C2CD3: variants seen among roughly 807,000 people sequenced by gnomAD.
The protein encoded by C2CD3 is C2 domain containing 3 centriole elongation regulator.
C2CD3 carries 148 observed loss-of-function variants against 234.0 expected under a neutral mutation model. The observed-to-expected ratio is 0.63, with a 90% CI of 0.55 to 0.72. The LOEUF is 0.72. C2CD3 is among the 30% of genes least tolerant of loss of function. The probability of loss-of-function intolerance (pLI) is 0.00; values close to 1 mark genes in which losing one functional copy is unlikely to be tolerated. For missense variants in C2CD3, 2,577 were observed against 2,811.5 expected (o/e 0.92, Z 1.89); for synonymous variants, 1,000 against 1,035.4 (o/e 0.97, Z 0.66).
At chr11:74,030,815 AC>A (rs1248719372) in intron 31 of C2CD3, among the ~76,000 whole-genome samples, 1 of 151,912 alleles carries the variant, frequency 6.6e-6, no homozygotes, top group East Asian at 1.9e-4. Context: ...CGTCTCCCAA[AC>A]CTGTCTATGT....
intron 24 of C2CD3, among the ~76,000 whole-genome samples, chr11:74,059,968 G>C (rs112978615): frequency 0.021 from 3,259 of 152,314 alleles, 67 homozygotes; most frequent in African/African-American, 0.045. Context: ...CCAGGAGACT[G>C]TATCCCGCGC....
chr11:74,097,521 C>A (rs527384700), intron 16 of C2CD3, among the ~76,000 whole-genome samples: 7 of 152,254 alleles, frequency 4.6e-5, no homozygotes, highest in African/African-American at 1.7e-4. Context: ...TAACAATAAC[C>A]CACCTCAGGT....
At chr11:74,142,833 T>A (rs1205198331) in intron 3 of C2CD3, among the ~76,000 whole-genome samples, 1 of 152,168 alleles carries the variant, frequency 6.6e-6, no homozygotes, top group Non-Finnish European at 1.5e-5. Context: ...TTCATTCCTG[T>A]CCACCTCAAT....
rs535872649 is a variant in C2CD3 at position 74,125,997 on chromosome 11, A to G, written c.1218-2862T>C. 8.7e-4 allele frequency among the ~76,000 whole-genome samples: 133 copies of G among 152,098 alleles called. 1 individual carries two copies. Among genetic ancestry groups the G allele is most frequent in the African/African-American group, 3.1e-3 (128 of 41,528 alleles). On this transcript the variant is annotated intron_variant, in intron 7 of 32. Coordinates refer to ENST00000334126, the MANE Select transcript of C2CD3 (RefSeq NM_001286577.2). ...TGTTGTAGCCCCTATTTCTTAGACTATATGTCTTACTCTTTCTTCCTAAAA... is the reference window on the plus strand; with the variant it reads ...TGTTGTAGCCCCTATTTCTTAGACTGTATGTCTTACTCTTTCTTCCTAAAA...
intron 5 of C2CD3, among the ~76,000 whole-genome samples, chr11:74,133,787 A>C (rs893716506): frequency 6.6e-6 from 1 of 152,204 alleles, no homozygotes; most frequent in African/African-American, 2.4e-5. Flanking sequence ...CAATGAATGA[A>C]GTCTCCATTC....
intron 32 of C2CD3, among the ~76,000 whole-genome samples, chr11:74,014,059 ATC>A (rs1384203489): frequency 6.6e-6 from 1 of 152,096 alleles, no homozygotes; most frequent in African/African-American, 2.4e-5. Flanking sequence ...CCAAACTTTG[ATC>A]TCTCTGACTC....
chr11:74,036,897 A>C (rs1952771895), intron 30 of C2CD3, among the ~76,000 whole-genome samples: 1 of 152,216 alleles, frequency 6.6e-6, no homozygotes, highest in African/African-American at 2.4e-5. Context: ...GTTGACCTAC[A>C]GTACAGCCTG....
intron 5 of C2CD3, among the ~76,000 whole-genome samples, chr11:74,135,562 T>C (rs1034745229): frequency 6.6e-6 from 1 of 152,204 alleles, no homozygotes; most frequent in African/African-American, 2.4e-5. Context: ...AGATGTGAAG[T>C]ATGAGAAGAA....
chr11:74,013,505 C>A lies in C2CD3; in HGVS notation c.6942G>T (p.Arg2314Ser). ...TTDQDKSEATRGALSQRPCRP... is the reference protein window; with the variant it reads ...TTDQDKSEATSGALSQRPCRP... ...GACAAGGCCTTTGGGAGAGAGCTCC[C>A]CTGGTGGCTTCGCTCTTGTCCTGGA... Residue 2314 changes from arginine (R) to serine (S), a missense_variant, in exon 33 of 33, where the codon AGG becomes AGT. Coordinates refer to ENST00000334126, the MANE Select transcript of C2CD3 (RefSeq NM_001286577.2). 1 of 1,369,874 alleles carries A rather than the reference C, an allele frequency of 7.3e-7. No individual in the cohort carries two copies. The highest frequency in any genetic ancestry group is 1.8e-5 in the South Asian group (1 of 56,402). 84.9% of individuals were successfully genotyped at this position (1,369,874 alleles called of 1,614,324 possible). A position where few individuals can be genotyped will look rare whatever the true frequency, so the allele number is the denominator to read the frequency against.
intron 23 of C2CD3, among the ~76,000 whole-genome samples, chr11:74,077,818 T>A (rs1955128533): frequency 4.6e-5 from 1 of 21,624 alleles, no homozygotes; most frequent in African/African-American, 2.8e-4. Context: ...TATATATATA[T>A]ATATATATAT....
chr11:74,084,221 C>G (rs1434856765), intron 22 of C2CD3, among the ~76,000 whole-genome samples: 2 of 152,178 alleles, frequency 1.3e-5, no homozygotes, highest in East Asian at 3.9e-4. Context: ...CATGTTCTTA[C>G]TCATAGGTGG....
intron 32 of C2CD3, among the ~76,000 whole-genome samples, chr11:74,016,965 C>T (rs149191688): frequency 3.3e-5 from 5 of 152,226 alleles, no homozygotes; most frequent in African/African-American, 9.6e-5. Flanking sequence ...GGTGAAGTCC[C>T]TGGAGCGGGA....
intron 5 of C2CD3, among the ~76,000 whole-genome samples, chr11:74,135,428 C>T (rs554885875): frequency 1.8e-4 from 27 of 152,192 alleles, no homozygotes; most frequent in African/African-American, 6.3e-4. Flanking sequence ...CCAGCTTGCC[C>T]GGACTTGCAG....
chr11:74,048,298 G>GT lies in C2CD3; in HGVS notation c.5401dup (p.Thr1801AsnfsTer26). On this transcript the variant is annotated frameshift_variant, in exon 28 of 33. Coordinates refer to ENST00000334126, the MANE Select transcript of C2CD3 (RefSeq NM_001286577.2). LOFTEE classifies it high-confidence loss of function. ...CATGTGGCTGGAGAATGCAGCATACGTATCAGAGGCAGGGAAGGAAAAGGG... is the reference window on the plus strand; with the variant it reads ...CATGTGGCTGGAGAATGCAGCATACGTTATCAGAGGCAGGGAAGGAAAAGGG... 6.2e-7 allele frequency: 1 copy of GT among 1,613,596 alleles called. No homozygotes were observed. Among genetic ancestry groups the GT allele is most frequent in the Non-Finnish European group, 8.5e-7 (1 of 1,179,672 alleles).
chr11:74,083,880 T>C (rs1275286866), intron 22 of C2CD3, among the ~76,000 whole-genome samples: 2 of 152,152 alleles, frequency 1.3e-5, no homozygotes, highest in Non-Finnish European at 2.9e-5. Context: ...TGGAAGACAG[T>C]GTGGCGATTC....
At chr11:74,051,129 A>C (rs1565230769) in intron 26 of C2CD3, among the ~76,000 whole-genome samples, 6 of 151,032 alleles carry the variant, frequency 4.0e-5, no homozygotes. Context: ...TCTAAAAAAA[A>C]CAAAACAAAA....
chr11:74,103,065 T>C, intron 14 of C2CD3, 66 bp downstream of exon 14: 1 of 1,438,370 alleles, frequency 7.0e-7, no homozygotes. Flanking sequence ...GACGAAATAA[T>C]AATTTGGGAG....
At chr11:74,077,415 C>G (rs529081750) in intron 23 of C2CD3, among the ~76,000 whole-genome samples, 8 of 152,110 alleles carry the variant, frequency 5.3e-5, no homozygotes, top group Non-Finnish European at 1.2e-4. Flanking sequence ...AATAAGGTAA[C>G]ACCCTTTCTT....
intron 24 of C2CD3, among the ~76,000 whole-genome samples, chr11:74,066,005 T>C (rs1186259069): frequency 6.6e-6 from 1 of 150,902 alleles, no homozygotes; most frequent in Non-Finnish European, 1.5e-5. Flanking sequence ...ATGGCACATG[T>C]ATACATATGT....
Sources: gnomAD v4.1 joint callset for allele counts (sites outside exome capture counted in the v4.1 genomes callset) on GRCh38, gnomAD v4.1.1 for gene constraint, MANE v1.5 for transcripts, NCBI Gene and HGNC (gene_info 2026-07-23, HGNC 2026-07-21) for gene names.